COL28A1: variants seen among roughly 807,000 people sequenced by gnomAD.
COL28A1 encodes collagen type XXVIII alpha 1 chain, also known as collagen alpha-1(XXVIII) chain.
In COL28A1, 161 loss-of-function variants were observed where a neutral mutation model predicts 150.2. The ratio of observed to expected loss-of-function variants is 1.07; its 90% CI spans 0.94 to 1.22. The LOEUF (loss-of-function observed/expected upper bound fraction) is 1.22. Ranked by LOEUF, COL28A1 falls within the 50% of genes most tolerant of loss-of-function variation. COL28A1 has a pLI of 0.00. For synonymous variants in COL28A1, 552 were observed against 469.7 expected (o/e 1.18, Z -2.26); for missense variants, 1,617 against 1,388.3 (o/e 1.16, Z -2.62).
intron 13 of COL28A1, among the ~76,000 whole-genome samples, chr7:7,479,020 G>T (rs147025900): frequency 0.021 from 3,201 of 152,342 alleles, 83 homozygotes; most frequent in African/African-American, 0.065. Context: ...GGCTCCTCAA[G>T]CATGGCCAGA....
downstream of COL28A1, among the ~76,000 whole-genome samples, chr7:7,355,123 A>G (rs186028203): frequency 1.1e-4 from 16 of 152,336 alleles, no homozygotes; most frequent in Admixed American, 4.6e-4. Context: ...GTAAAAAGAC[A>G]AACTATGAAG....
intron 13 of COL28A1, among the ~76,000 whole-genome samples, chr7:7,480,426 G>A (rs1464418538): frequency 6.6e-6 from 1 of 152,096 alleles, no homozygotes; most frequent in Non-Finnish European, 1.5e-5. Context: ...TACGGGCAGA[G>A]CAATTAGCTA....
chr7:7,444,368 A>C (rs1786076802), intron 19 of COL28A1, 50 bp downstream of exon 19: 1 of 1,608,216 alleles, frequency 6.2e-7, no homozygotes, highest in East Asian at 2.2e-5. Flanking sequence ...CCAAGATATC[A>C]GTTTGGTTCA....
intron 26 of COL28A1, among the ~76,000 whole-genome samples, chr7:7,419,072 GT>G (rs1403261337): frequency 1.3e-5 from 2 of 152,108 alleles, no homozygotes; most frequent in African/African-American, 4.8e-5. Flanking sequence ...GTGGTGGGTG[GT>G]TCATTGACAT....
At position 7,531,581 on chromosome 7, in the gene COL28A1, T is replaced by TA. The variant is rs1162554431; in HGVS notation, c.447dup (p.Lys150Ter). 3 of 1,603,422 alleles carry TA rather than the reference T, an allele frequency of 1.9e-6. No homozygotes were observed. In the African/African-American group the frequency reaches 4.0e-5, roughly 21 times the overall value. ...AGCAAAACCACTTTCACACCATCCT[T>TA]ACGCCCTTCTCTCTTAAGTAGCCTA... is the stretch of plus-strand genomic sequence containing the variant. On this transcript the variant is annotated frameshift_variant, in exon 3 of 35. Coordinates refer to ENST00000399429, the MANE Select transcript of COL28A1 (RefSeq NM_001037763.3). LOFTEE classifies it high-confidence loss of function.
chr7:7,388,751 T>C (rs1193627285), intron 27 of COL28A1, among the ~76,000 whole-genome samples: 5 of 152,236 alleles, frequency 3.3e-5, no homozygotes, highest in Admixed American at 3.3e-4. Flanking sequence ...ATTTCTCTAA[T>C]GACAGTGATG....
intron 1 of COL28A1, among the ~76,000 whole-genome samples, chr7:7,533,974 C>G (rs1415676722): frequency 1.3e-5 from 2 of 152,144 alleles, no homozygotes; most frequent in Non-Finnish European, 2.9e-5. Context: ...GGATAAGAAT[C>G]TGGGAAATCA....
the COL28A1 span, among the ~76,000 whole-genome samples, chr7:7,540,929 G>C: frequency 1.3e-5 from 1 of 74,094 alleles, no homozygotes; most frequent in East Asian, 4.3e-4. Context: ...TCAAAACATA[G>C]CCAGTAATAT....
chr7:7,440,850 G>T lies in COL28A1; in HGVS notation c.1662C>A (p.Gly554=). ...KGQPGPKGDE[G]KKGSKGNQGQ... ...CTTGATTTCCTTTGCTCCCTTTCTT[G>T]CCTTCGTCACCCTAACAAAATAATT... The change falls in exon 21 of 35, where the codon GGC becomes GGA. Residue 554 remains glycine, a synonymous_variant. Coordinates refer to ENST00000399429, the MANE Select transcript of COL28A1 (RefSeq NM_001037763.3). 6.6e-7 allele frequency: 1 copy of T among 1,518,222 alleles called. No individual in the cohort carries two copies. Among genetic ancestry groups the T allele is most frequent in the Non-Finnish European group, 9.1e-7 (1 of 1,093,448 alleles). 94.0% of individuals were successfully genotyped at this position (1,518,222 alleles called of 1,614,324 possible). A position where few individuals can be genotyped will look rare whatever the true frequency, so the allele number is the denominator to read the frequency against.
At chr7:7,471,716 G>A (rs1403942316) in intron 15 of COL28A1, among the ~76,000 whole-genome samples, 1 of 152,104 alleles carries the variant, frequency 6.6e-6, no homozygotes, top group East Asian at 1.9e-4. Flanking sequence ...TCAACATGAT[G>A]AAACCCCATC....
intron 3 of COL28A1, among the ~76,000 whole-genome samples, chr7:7,529,824 G>A (rs1043052317): frequency 2.0e-5 from 3 of 152,220 alleles, no homozygotes; most frequent in Non-Finnish European, 4.4e-5. Flanking sequence ...ATGTTCAGTG[G>A]TGAGGACCCC....
Position 7,524,256 on chromosome 7 carries a change from G to T in COL28A1, c.682-7C>A. 1 of 1,345,034 alleles carries T rather than the reference G, an allele frequency of 7.4e-7. No individual in the cohort carries two copies. The highest frequency in any genetic ancestry group is 1.1e-6 in the Non-Finnish European group (1 of 935,362). The allele number at this position is 1,345,034 out of a possible 1,614,324, so 83.3% of individuals were successfully genotyped here. On this transcript the variant is annotated splice_region_variant and splice_polypyrimidine_tract_variant and intron_variant, in intron 3 of 34. Coordinates refer to ENST00000399429, the MANE Select transcript of COL28A1 (RefSeq NM_001037763.3). Reference sequence around the variant, plus strand: ...TCTTTTCAAATAAGATATCCTACAAGGGAAAAAAGAATGAAGCATTAACTC... The same window carrying T: ...TCTTTTCAAATAAGATATCCTACAATGGAAAAAAGAATGAAGCATTAACTC...
chr7:7,531,897 A>T lies in COL28A1; in HGVS notation c.132T>A (p.Ile44=), dbSNP rs748366924. 1.3e-6 allele frequency: 2 copies of T among 1,596,038 alleles called. No individual in the cohort carries two copies. Among genetic ancestry groups the T allele is most frequent in the Non-Finnish European group, 1.7e-6 (2 of 1,165,754 alleles). Residue 44 remains isoleucine, a synonymous_variant, in exon 3 of 35, where the codon ATT becomes ATA. Transcript: ENST00000399429. The part of the protein sequence containing the change: ...LARKSDVQGS[I]CFIDIVFIVD... ...CGATGAAGACAATATCTATGAAACAAATGGAGCCTGAAACAGAATAAACAG... is the reference window on the plus strand; with the variant it reads ...CGATGAAGACAATATCTATGAAACATATGGAGCCTGAAACAGAATAAACAG...
At chr7:7,444,306 T>C in intron 19 of COL28A1, 112 bp downstream of exon 19, 1 of 1,440,336 alleles carries the variant, frequency 6.9e-7, no homozygotes. Flanking sequence ...AGATATTTTT[T>C]CTTAAAGAAA....
Position 7,515,825 on chromosome 7 carries a change from T to C in COL28A1, c.871A>G (p.Lys291Glu). Residue 291 changes from lysine to glutamate, a missense_variant, in exon 8 of 35, where the codon AAG (lysine) becomes GAG (glutamate). By Grantham distance (56) the Lys-to-Glu change is moderately conservative. Coordinates refer to ENST00000399429, the MANE Select transcript of COL28A1 (RefSeq NM_001037763.3). ...TGTTACCAACTTACCTTGTCACCCT[T>C]GTACCCAGGAATTCCCTAATTTAAA... ...ERGPGGIPGY[K>E]GDKGERGECG... The C allele has an allele frequency of 2.8e-6, 3 of 1,068,372 alleles. No homozygotes were observed. The highest frequency in any genetic ancestry group is 4.4e-6 in the Non-Finnish European group (3 of 684,748). The allele number at this position is 1,068,372 out of a possible 1,614,324, so 66.2% of individuals were successfully genotyped here.
intron 1 of COL28A1, among the ~76,000 whole-genome samples, chr7:7,533,912 G>A (rs1017229543): frequency 6.6e-6 from 1 of 152,130 alleles, no homozygotes; most frequent in African/African-American, 2.4e-5. Flanking sequence ...ATTGACTTCA[G>A]GAGTTCTGGA....
the COL28A1 span, among the ~76,000 whole-genome samples, chr7:7,349,096 A>C: frequency 6.6e-6 from 1 of 152,086 alleles, no homozygotes; most frequent in African/African-American, 2.4e-5. Flanking sequence ...AAAACATTTT[A>C]AAATTTCCTC....
downstream of COL28A1, chr7:7,357,733 C>T (rs1780409281): frequency 7.4e-6 from 1 of 134,426 alleles, no homozygotes; most frequent in Admixed American, 8.1e-5. Context: ...TCTTCCCAGA[C>T]AGGATCTTGC....
At chr7:7,522,333 C>G (rs1325049276) in intron 4 of COL28A1, among the ~76,000 whole-genome samples, 1 of 152,042 alleles carries the variant, frequency 6.6e-6, no homozygotes, top group Non-Finnish European at 1.5e-5. Context: ...AATTTCTGAT[C>G]CTTCTCTTCT....
Sources: gnomAD v4.1 joint callset for allele counts (sites outside exome capture counted in the v4.1 genomes callset) on GRCh38, gnomAD v4.1.1 for gene constraint, MANE v1.5 for transcripts, NCBI Gene and HGNC (gene_info 2026-07-23, HGNC 2026-07-21) for gene names.